DMRT1: variants seen among roughly 807,000 people sequenced by gnomAD.
DMRT1 encodes the protein doublesex and mab-3 related transcription factor 1.
DMRT1 carries 7 observed loss-of-function variants against 32.3 expected under a neutral mutation model. The ratio of observed to expected loss-of-function variants is 0.22; its 90% CI spans 0.12 to 0.41. The LOEUF (loss-of-function observed/expected upper bound fraction) is 0.41. Ranked by LOEUF, DMRT1 falls within the 10% of genes least tolerant of loss-of-function variation. The pLI, the probability that DMRT1 is intolerant of heterozygous loss-of-function variation, is 1.00. For synonymous variants in DMRT1, 278 were observed against 206.1 expected (o/e 1.35, Z -2.99); for missense variants, 625 against 500.5 (o/e 1.25, Z -2.37).
intron 2 of DMRT1, among the ~76,000 whole-genome samples, chr9:884,438 G>A (rs544619826): frequency 9.9e-5 from 15 of 151,976 alleles, no homozygotes; most frequent in African/African-American, 2.7e-4. Flanking sequence ...GAAAGTAAAC[G>A]GGTGTAGCCA....
intron 4 of DMRT1, among the ~76,000 whole-genome samples, chr9:927,667 T>C (rs762727196): frequency 2.0e-5 from 3 of 152,220 alleles, no homozygotes; most frequent in Non-Finnish European, 2.9e-5. Flanking sequence ...GGGTATACAA[T>C]AGATGCTGAG....
At chr9:943,495 T>C (rs1471739831) in intron 4 of DMRT1, among the ~76,000 whole-genome samples, 2 of 152,256 alleles carry the variant, frequency 1.3e-5, no homozygotes, top group Non-Finnish European at 2.9e-5. Flanking sequence ...GGCATGTCAC[T>C]GGAACTCACA....
At chr9:857,174 G>A (rs4742499) in intron 2 of DMRT1, among the ~76,000 whole-genome samples, 129,739 of 152,002 alleles carry the variant, frequency 0.85, 55,930 homozygotes, top group Middle Eastern at 0.95. Context: ...AGGCGTGGTG[G>A]CACATGCCTG....
At chr9:844,059 T>G (rs561407226) in intron 1 of DMRT1, among the ~76,000 whole-genome samples, 1 of 152,330 alleles carries the variant, frequency 6.6e-6, no homozygotes, top group Admixed American at 6.5e-5. Context: ...TTGGCTTATT[T>G]AGTGTGGAGA....
chr9:915,565 T>C (rs1376851562), intron 3 of DMRT1, among the ~76,000 whole-genome samples: 2 of 152,112 alleles, frequency 1.3e-5, no homozygotes, highest in Non-Finnish European at 2.9e-5. Context: ...ATGTGTCCAG[T>C]TAGCAGAAGC....
At chr9:842,263 CT>C (rs1838720415) in intron 1 of DMRT1, 71 bp downstream of exon 1, 1 of 1,441,602 alleles carries the variant, frequency 6.9e-7, no homozygotes, top group Non-Finnish European at 9.1e-7. Context: ...TAGATGGAGT[CT>C]CGCTCGGTTG....
At position 906,314 on chromosome 9, in the gene DMRT1, C is replaced by T. The variant is rs149900443; in HGVS notation, c.823-10449C>T. Reference sequence around the variant, plus strand: ...GTGGCCCCAGACAGCCTCACGTTGCCCTCCCGGCAGGCTCTCATGTTCTGT... The same window carrying T: ...GTGGCCCCAGACAGCCTCACGTTGCTCTCCCGGCAGGCTCTCATGTTCTGT... On this transcript the variant is annotated intron_variant, in intron 3 of 4. Coordinates refer to ENST00000382276, the MANE Select transcript of DMRT1 (RefSeq NM_021951.3). Among the ~76,000 whole-genome samples, 8 of 152,270 alleles carry T rather than the reference C, an allele frequency of 5.3e-5. No homozygotes were observed. The East Asian group carries it at 9.6e-4, about 18-fold the overall frequency.
At chr9:871,307 A>T (rs1424718520) in intron 2 of DMRT1, among the ~76,000 whole-genome samples, 1 of 144,454 alleles carries the variant, frequency 6.9e-6, no homozygotes, top group Non-Finnish European at 1.5e-5. Context: ...GATTACAGGC[A>T]TGAACCGGTA....
In DMRT1 at chr9:858,585, C is replaced by T. The variant is rs1815504121; in HGVS notation, c.538+11442C>T. On this transcript the variant is annotated intron_variant, in intron 2 of 4. Coordinates refer to ENST00000382276, the MANE Select transcript of DMRT1 (RefSeq NM_021951.3). ...ACAATATGCACAACTTAAAATTTAT[C>T]ATTTTAGGCTGGGCGCAGTGGCTCA... Among the ~76,000 whole-genome samples the T allele has an allele frequency of 1.3e-5, 2 of 151,942 alleles. 1 individual carries two copies. Among genetic ancestry groups the T allele is most frequent in the South Asian group, 4.2e-4 (2 of 4,804 alleles).
At chr9:862,089 C>CTG (rs111275313) in intron 2 of DMRT1, among the ~76,000 whole-genome samples, 15 of 136,926 alleles carry the variant, frequency 1.1e-4, no homozygotes, top group Admixed American at 5.8e-4. Context: ...TCCTCACTTC[C>CTG]TAGACGGGGT....
intron 2 of DMRT1, among the ~76,000 whole-genome samples, chr9:874,214 C>G (rs1816397706): frequency 6.6e-6 from 1 of 152,136 alleles, no homozygotes; most frequent in South Asian, 2.1e-4. Context: ...TTTTCCCAGT[C>G]TTGAGATTCT....
At chr9:890,330 G>A (rs1817096875) in intron 2 of DMRT1, among the ~76,000 whole-genome samples, 1 of 152,104 alleles carries the variant, frequency 6.6e-6, no homozygotes, top group Non-Finnish European at 1.5e-5. Flanking sequence ...CAGACTTGGG[G>A]GTGTGGAATA....
At chr9:860,257 ATTGTAC>A (rs1260238409) in intron 2 of DMRT1, among the ~76,000 whole-genome samples, 1 of 152,224 alleles carries the variant, frequency 6.6e-6, no homozygotes, top group Non-Finnish European at 1.5e-5. Flanking sequence ...AGATCGTGCC[ATTGTAC>A]TCCAGCCTGG....
chr9:886,943 C>A (rs12352056), intron 2 of DMRT1, among the ~76,000 whole-genome samples: 6,966 of 152,260 alleles, frequency 0.046, 520 homozygotes, highest in African/African-American at 0.16. Context: ...CCTTCTGAAG[C>A]TGCTTATTCT....
chr9:893,132 C>T (rs1228527763), intron 2 of DMRT1, among the ~76,000 whole-genome samples: 1 of 152,148 alleles, frequency 6.6e-6, no homozygotes, highest in African/African-American at 2.4e-5. Flanking sequence ...TCCCTGTGGG[C>T]ACGGCAGCTG....
chr9:871,588 G>T (rs1199040705), intron 2 of DMRT1, among the ~76,000 whole-genome samples: 2 of 135,878 alleles, frequency 1.5e-5, no homozygotes, highest in African/African-American at 5.8e-5. Context: ...TGATCCGCCC[G>T]CCTCTGCCTC....
At chr9:870,170 GGT>G in intron 2 of DMRT1, among the ~76,000 whole-genome samples, 1 of 152,302 alleles carries the variant, frequency 6.6e-6, no homozygotes, top group South Asian at 2.1e-4. Context: ...GGCTGAGGCA[GGT>G]GGATCACCTG....
chr9:889,029 G>T (rs1399626245), intron 2 of DMRT1, among the ~76,000 whole-genome samples: 1 of 152,016 alleles, frequency 6.6e-6, no homozygotes, highest in Non-Finnish European at 1.5e-5. Context: ...GCCATTCTCG[G>T]GGTGTATGAT....
chr9:961,265 T>TC (rs1161429014), intron 4 of DMRT1, among the ~76,000 whole-genome samples: 1 of 152,168 alleles, frequency 6.6e-6, no homozygotes, highest in East Asian at 1.9e-4. Context: ...TCTTTGCTCT[T>TC]CTCTCCTCAG....
Sources: allele counts gnomAD v4.1 joint callset (sites outside exome capture counted in the v4.1 genomes callset), GRCh38; gene constraint gnomAD v4.1.1; transcripts MANE v1.5; gene names NCBI Gene and HGNC (gene_info 2026-07-23, HGNC 2026-07-21).